ERBB4: variants seen among roughly 807,000 people sequenced by gnomAD.
The protein encoded by ERBB4 is erb-b2 receptor tyrosine kinase 4.
A neutral mutation model predicts 158.0 loss-of-function variants in ERBB4; 42 were observed. That is an observed-to-expected ratio of 0.27 (90% CI 0.21 to 0.34). The LOEUF (loss-of-function observed/expected upper bound fraction) is 0.34. Ranked by LOEUF, ERBB4 falls within the 10% of genes least tolerant of loss-of-function variation. The pLI is 1.00. For synonymous variants in ERBB4, 583 were observed against 558.7 expected (o/e 1.04, Z -0.61); for missense variants, 1,333 against 1,624.1 (o/e 0.82, Z 3.08).
chr2:211,626,361 A>G (rs1851177), intron 17 of ERBB4, among the ~76,000 whole-genome samples: 113,468 of 152,050 alleles, frequency 0.75, 45,663 homozygotes, highest in Non-Finnish European at 0.89. Context: ...CTGGAACAAA[A>G]TGATTTGAGG....
intron 19 of ERBB4, among the ~76,000 whole-genome samples, chr2:211,573,998 T>C (rs1040223750): frequency 6.6e-6 from 1 of 152,206 alleles, no homozygotes; most frequent in East Asian, 1.9e-4. Flanking sequence ...ATATATGTAA[T>C]TGCTAAATGA....
At chr2:212,042,469 T>C (rs2077163522) in intron 2 of ERBB4, among the ~76,000 whole-genome samples, 1 of 152,068 alleles carries the variant, frequency 6.6e-6, no homozygotes, top group Admixed American at 6.6e-5. Context: ...TCATGCACGA[T>C]TGTGTAGCTA....
intron 1 of ERBB4, among the ~76,000 whole-genome samples, chr2:212,351,164 C>T (rs758558936): frequency 3.9e-5 from 6 of 152,038 alleles, no homozygotes; most frequent in Non-Finnish European, 7.4e-5. Flanking sequence ...CTAATCAAAC[C>T]TGACAGGTGT....
chr2:212,032,549 CAT>C (rs1469584086), intron 2 of ERBB4, among the ~76,000 whole-genome samples: 2 of 151,954 alleles, frequency 1.3e-5, no homozygotes. Context: ...TTGATAAGTA[CAT>C]ATTTAAGCAT....
chr2:211,981,179 T>C (rs839542), intron 2 of ERBB4, among the ~76,000 whole-genome samples: 147,112 of 152,196 alleles, frequency 0.97, 71,300 homozygotes, highest in East Asian at 1. Flanking sequence ...GACGCTGTTG[T>C]CTATCCTCTG....
chr2:212,028,293 A>G (rs954619822), intron 2 of ERBB4, among the ~76,000 whole-genome samples: 4 of 152,090 alleles, frequency 2.6e-5, no homozygotes, highest in African/African-American at 9.7e-5. Context: ...AAAACCTTCA[A>G]AAATATGTCT....
Position 211,738,580 on chromosome 2 carries a change from C to G in ERBB4, c.622+12059G>C, listed in dbSNP as rs1444050782. 2.0e-5 allele frequency among the ~76,000 whole-genome samples: 3 copies of G among 151,878 alleles called. No individual in the cohort carries two copies. The East Asian group carries it at 5.8e-4, about 29-fold the overall frequency. ...AGAGACAGGGTTTCACCATGTTGGC[C>G]AGGCTGGTCTTGAACACCTGAACTC... On this transcript the variant is annotated intron_variant, in intron 5 of 27. Transcript: ENST00000342788.
At chr2:212,364,275 T>C (rs181632414) in intron 1 of ERBB4, among the ~76,000 whole-genome samples, 1 of 151,792 alleles carries the variant, frequency 6.6e-6, no homozygotes, top group Admixed American at 6.6e-5. Flanking sequence ...TTTTACACTG[T>C]GCATGCTTTG....
intron 3 of ERBB4, among the ~76,000 whole-genome samples, chr2:211,869,098 A>ATT (rs74959068): frequency 6.6e-6 from 1 of 151,964 alleles, no homozygotes; most frequent in Non-Finnish European, 1.5e-5. Context: ...TGTCCCAACA[A>ATT]TTTTTTCACT....
At chr2:212,082,263 T>C (rs900561843) in intron 2 of ERBB4, among the ~76,000 whole-genome samples, 1 of 152,120 alleles carries the variant, frequency 6.6e-6, no homozygotes, top group Admixed American at 6.6e-5. Flanking sequence ...TTGTTAAATA[T>C]TTATATGGTC....
At chr2:211,830,827 T>C (rs573198722) in intron 3 of ERBB4, among the ~76,000 whole-genome samples, 5 of 152,238 alleles carry the variant, frequency 3.3e-5, no homozygotes, top group African/African-American at 1.2e-4. Flanking sequence ...ATATTTTTAT[T>C]AATCTTGCAC....
intron 2 of ERBB4, among the ~76,000 whole-genome samples, chr2:212,004,553 G>T (rs899709331): frequency 6.6e-6 from 1 of 152,074 alleles, no homozygotes; most frequent in African/African-American, 2.4e-5. Context: ...TGATTTCTAA[G>T]CCAGTCTTCC....
At chr2:211,406,398 G>A (rs1181485570) in intron 25 of ERBB4, among the ~76,000 whole-genome samples, 7 of 152,114 alleles carry the variant, frequency 4.6e-5, no homozygotes, top group Admixed American at 4.6e-4. Context: ...TAGGTAAGTA[G>A]AAATTTCTAA....
chr2:212,273,790 C>A (rs985881842), intron 1 of ERBB4, among the ~76,000 whole-genome samples: 1 of 151,608 alleles, frequency 6.6e-6, no homozygotes, highest in Non-Finnish European at 1.5e-5. Flanking sequence ...ATTTTAAAAT[C>A]AAATGAAGAA....
chr2:211,709,274 T>TATACACATATATATATATATATATAC (rs1553615210), intron 9 of ERBB4, among the ~76,000 whole-genome samples: 3 of 136,558 alleles, frequency 2.2e-5, no homozygotes, highest in African/African-American at 8.6e-5. Context: ...TATATATATA[T>TATACACATATATATATATATATATAC]ACATACATAT....
chr2:212,254,721 C>G (rs1457619236), intron 1 of ERBB4, among the ~76,000 whole-genome samples: 1 of 152,120 alleles, frequency 6.6e-6, no homozygotes, highest in Admixed American at 6.6e-5. Flanking sequence ...GCACTAAGAT[C>G]TCTCTGAAAT....
At chr2:212,285,168 A>G (rs539554136) in intron 1 of ERBB4, among the ~76,000 whole-genome samples, 1 of 152,294 alleles carries the variant, frequency 6.6e-6, no homozygotes, top group African/African-American at 2.4e-5. Flanking sequence ...AGGCTCAGTT[A>G]TAGACTTTCG....
chr2:212,444,280 A>T (rs1420529749), intron 1 of ERBB4, among the ~76,000 whole-genome samples: 1 of 152,222 alleles, frequency 6.6e-6, no homozygotes, highest in Non-Finnish European at 1.5e-5. Flanking sequence ...ACCCTGAAGG[A>T]CAGCAGTGAA....
In ERBB4 at chr2:211,734,793, C is replaced by T. The variant is rs150681629; in HGVS notation, c.623-9599G>A. On this transcript the variant is annotated intron_variant, in intron 5 of 27. Coordinates refer to ENST00000342788, the MANE Select transcript of ERBB4 (RefSeq NM_005235.3). The stretch of plus-strand genomic sequence containing the variant: ...AAAATTAGCCAGGCGTGGTGGCGGG[C>T]GCCTGTAGTACCAGCTACTCGGGAG... Among the ~76,000 whole-genome samples the T allele has an allele frequency of 6.9e-3, 1,044 of 150,370 alleles. 15 individuals are homozygous for T. The highest frequency in any genetic ancestry group is 0.021 in the Middle Eastern group (6 of 284).
Sources: gnomAD v4.1 joint callset for allele counts (sites outside exome capture counted in the v4.1 genomes callset) on GRCh38, gnomAD v4.1.1 for gene constraint, MANE v1.5 for transcripts, NCBI Gene and HGNC (gene_info 2026-07-23, HGNC 2026-07-21) for gene names.